LRRC9: variants seen among roughly 807,000 people sequenced by gnomAD.
LRRC9 encodes the protein leucine rich repeat containing 9.
LRRC9 carries 122 observed loss-of-function variants against 63.2 expected under a neutral mutation model. The ratio of observed to expected loss-of-function variants is 1.93; its 90% CI spans 1.67 to 2.24. The LOEUF (loss-of-function observed/expected upper bound fraction) is 2.24, where lower values mean the gene tolerates loss of function less well. Among genes scored for constraint, LRRC9 ranks in the 30% most tolerant of loss-of-function variants. The pLI, the probability that LRRC9 is intolerant of heterozygous loss-of-function variation, is 0.00. For missense variants in LRRC9, 1,071 were observed against 627.7 expected (o/e 1.71, Z -7.55); for synonymous variants, 366 against 213.1 (o/e 1.72, Z -6.25).
At chr14:59,953,912 T>C (rs545550962) in intron 8 of LRRC9, among the ~76,000 whole-genome samples, 2 of 152,340 alleles carry the variant, frequency 1.3e-5, no homozygotes, top group Admixed American at 1.3e-4. Flanking sequence ...ATTTATTAAA[T>C]AGGGAATCCC....
chr14:59,940,798 C>T (rs887910359), intron 7 of LRRC9, among the ~76,000 whole-genome samples: 2 of 151,954 alleles, frequency 1.3e-5, no homozygotes, highest in African/African-American at 4.8e-5. Context: ...ACCTAAGATG[C>T]AAAGGGATCA....
At chr14:60,010,401 G>A (rs1483656513) in intron 23 of LRRC9, among the ~76,000 whole-genome samples, 1 of 152,132 alleles carries the variant, frequency 6.6e-6, no homozygotes, top group Non-Finnish European at 1.5e-5. Context: ...GAGTGACTGG[G>A]ACACAGGGTA....
At chr14:60,062,563 C>T (rs541515752) in intron 31 of LRRC9, among the ~76,000 whole-genome samples, 22 of 152,310 alleles carry the variant, frequency 1.4e-4, no homozygotes, top group African/African-American at 5.1e-4. Flanking sequence ...CAGATAAATT[C>T]AACTTTCTGA....
intron 20 of LRRC9, among the ~76,000 whole-genome samples, chr14:60,002,729 C>T (rs1387483942): frequency 3.3e-5 from 5 of 152,070 alleles, no homozygotes; most frequent in African/African-American, 9.7e-5. Flanking sequence ...TGACTGCGTT[C>T]GCCACAGAAT....
chr14:59,949,595 G>A (rs1882879532), intron 8 of LRRC9, among the ~76,000 whole-genome samples: 1 of 151,258 alleles, frequency 6.6e-6, no homozygotes, highest in Admixed American at 6.6e-5. Flanking sequence ...ATGTTAGGGT[G>A]TCAATTTTGG....
At chr14:59,952,162 C>T (rs1427096916) in intron 8 of LRRC9, among the ~76,000 whole-genome samples, 105 of 151,828 alleles carry the variant, frequency 6.9e-4, no homozygotes, top group African/African-American at 2.3e-3. Context: ...ATTCCGTGGG[C>T]GTAGGACCCT....
At chr14:59,955,944 G>C (rs937559457) in intron 8 of LRRC9, among the ~76,000 whole-genome samples, 1 of 151,996 alleles carries the variant, frequency 6.6e-6, no homozygotes, top group Non-Finnish European at 1.5e-5. Context: ...ATTTTTGTGT[G>C]GGTTTTAAGT....
At position 59,919,724 on chromosome 14, in the gene LRRC9, A is replaced by G. The variant is rs1023132824; in HGVS notation, c.-193A>G. ...CGCCACCTTGTGACATCACAGGGCC[A>G]TGCCCTCGGGGCTCAAGGCCAGAGA... On this transcript the variant is annotated 5_prime_UTR_variant, in exon 1 of 32. Coordinates refer to ENST00000445360, the Ensembl canonical transcript of LRRC9. This position sits in a 1 kb window ranked among gnomAD's most constrained non-coding sequence, Gnocchi z 4.5. 3 of 152,264 alleles carry G rather than the reference A, an allele frequency of 2.0e-5. No homozygotes were observed. The allele number at this position is 152,264 out of a possible 1,614,324, so 9.4% of individuals were successfully genotyped here. A position where few individuals can be genotyped will look rare whatever the true frequency, so the allele number is the denominator to read the frequency against.
chr14:60,062,102 C>T (rs1372533551), intron 31 of LRRC9: 1 of 398,820 alleles, frequency 2.5e-6, no homozygotes, highest in African/African-American at 2.1e-5. Context: ...GGATAAGTAT[C>T]TCTCCATCTC....
chr14:60,011,002 C>T (rs994083949), intron 23 of LRRC9, among the ~76,000 whole-genome samples: 1 of 152,198 alleles, frequency 6.6e-6, no homozygotes, highest in African/African-American at 2.4e-5. Flanking sequence ...TGCCTGTTAC[C>T]CAGTTCCAAA....
At chr14:59,943,402 A>G (rs1361106626) in intron 7 of LRRC9, among the ~76,000 whole-genome samples, 1 of 151,960 alleles carries the variant, frequency 6.6e-6, no homozygotes, top group Non-Finnish European at 1.5e-5. Context: ...AATTTATTAG[A>G]ATTATTTTTA....
exon 23 of LRRC9, chr14:60,008,179 C>A: frequency 1.4e-6 from 1 of 701,512 alleles, no homozygotes; most frequent in Non-Finnish European, 2.6e-6. Flanking sequence ...AATATTTCAT[C>A]TTCCAGAACT....
chr14:59,941,094 CTTAT>C (rs1308968486), intron 7 of LRRC9, among the ~76,000 whole-genome samples: 1 of 151,312 alleles, frequency 6.6e-6, no homozygotes, highest in African/African-American at 2.4e-5. Flanking sequence ...ATTGATAACT[CTTAT>C]TTATTTTTAT....
Position 60,058,542 on chromosome 14 carries a change from A to G in LRRC9, c.4276+520A>G, listed in dbSNP as rs984195086. On this transcript the variant is annotated intron_variant, in intron 31 of 31. Coordinates refer to ENST00000445360, the Ensembl canonical transcript of LRRC9. The surrounding 1 kb of genome is among the most constrained non-coding windows in gnomAD (Gnocchi z 4.4). ...CAAGAGGTAGAGTTTTAAAAGAGGG[A>G]GTGTATTAAAAGAACAAGCATGGAA... 3.9e-5 allele frequency among the ~76,000 whole-genome samples: 6 copies of G among 152,190 alleles called. No homozygotes were observed. Among genetic ancestry groups the G allele is most frequent in the Admixed American group, 2.6e-4 (4 of 15,284 alleles).
intron 30 of LRRC9, among the ~76,000 whole-genome samples, chr14:60,055,834 G>T (rs1432142948): frequency 6.6e-6 from 1 of 151,950 alleles, no homozygotes; most frequent in Non-Finnish European, 1.5e-5. Context: ...GAGCCTGGGA[G>T]GTGGTGGCTG....
At chr14:59,947,656 C>A (rs1882603548) in intron 8 of LRRC9, among the ~76,000 whole-genome samples, 1 of 134,876 alleles carries the variant, frequency 7.4e-6, no homozygotes, top group Admixed American at 7.6e-5. Context: ...ACGTTTAAAT[C>A]TTTAATCCAT....
Position 59,962,163 on chromosome 14 carries a change from G to C in LRRC9, c.1211+1118G>C, listed in dbSNP as rs937124833. Among the ~76,000 whole-genome samples, 4 of 152,152 alleles carry C rather than the reference G, an allele frequency of 2.6e-5. No homozygotes were observed. Among genetic ancestry groups the C allele is most frequent in the African/African-American group, 9.7e-5 (4 of 41,424 alleles). On this transcript the variant is annotated intron_variant, in intron 10 of 31. Coordinates refer to ENST00000445360, the Ensembl canonical transcript of LRRC9. The surrounding 1 kb of genome is among the most constrained non-coding windows in gnomAD (Gnocchi z 5.1). ...GTCTTGGGAGAACTCTGATGGAAAAGTGTAAGAAGCTCTTCGCAAGGGAAA... is the reference window on the plus strand; with the variant it reads ...GTCTTGGGAGAACTCTGATGGAAAACTGTAAGAAGCTCTTCGCAAGGGAAA...
In LRRC9 at chr14:59,927,270, T is replaced by C. The variant is rs1594801292; in HGVS notation, c.-33-641T>C. On this transcript the variant is annotated intron_variant, in intron 1 of 31. Transcript: ENST00000445360. This position sits in a 1 kb window ranked among gnomAD's most constrained non-coding sequence, Gnocchi z 4.4. Reference sequence around the variant, plus strand: ...CATTATATTAAAGGCAGGATTCTTATATTTTTTAGATAGTATGTATCTGGA... The same window carrying C: ...CATTATATTAAAGGCAGGATTCTTACATTTTTTAGATAGTATGTATCTGGA... Among the ~76,000 whole-genome samples the C allele has an allele frequency of 6.6e-6, 1 of 152,112 alleles. No homozygotes were observed.
At chr14:60,057,350 T>A (rs1262438953) in intron 30 of LRRC9, among the ~76,000 whole-genome samples, 1 of 152,150 alleles carries the variant, frequency 6.6e-6, no homozygotes, top group African/African-American at 2.4e-5. Context: ...TTTAGAGAGT[T>A]TTACTACATT....
Sources: allele counts gnomAD v4.1 joint callset (sites outside exome capture counted in the v4.1 genomes callset), GRCh38; gene constraint gnomAD v4.1.1; non-coding constraint Gnocchi (gnomAD v3.1); transcripts MANE v1.5; gene names NCBI Gene and HGNC (gene_info 2026-07-23, HGNC 2026-07-21).